ARID2: variants seen among roughly 807,000 people sequenced by gnomAD.
The protein encoded by ARID2 is AT-rich interaction domain 2.
ARID2 carries 32 observed loss-of-function variants against 184.6 expected under a neutral mutation model. That is an observed-to-expected ratio of 0.17 (90% confidence interval 0.13 to 0.23). The LOEUF (loss-of-function observed/expected upper bound fraction) is 0.23, where lower values mean the gene tolerates loss of function less well. ARID2 is among the 10% of genes least tolerant of loss of function. ARID2 has a pLI of 1.00. For synonymous variants in ARID2, 836 were observed against 772.6 expected (o/e 1.08, Z -1.36); for missense variants, 1,696 against 2,197.6 (o/e 0.77, Z 4.56).
At chr12:45,889,348 A>G (rs79144824) in intron 16 of ARID2, among the ~76,000 whole-genome samples, 1 of 152,222 alleles carries the variant, frequency 6.6e-6, no homozygotes, top group African/African-American at 2.4e-5. Context: ...ACTTGGCTAT[A>G]TATCACAGGT....
intron 8 of ARID2, 144 bp from the exon 9 acceptor site, chr12:45,837,177 T>A: frequency 8.9e-7 from 1 of 1,123,910 alleles, no homozygotes; most frequent in Non-Finnish European, 1.2e-6. Flanking sequence ...GAAATGATGC[T>A]TTAAATTCAG....
chr12:45,770,926 A>G (rs1052898825), intron 3 of ARID2, among the ~76,000 whole-genome samples: 1 of 152,040 alleles, frequency 6.6e-6, no homozygotes, highest in Non-Finnish European at 1.5e-5. Flanking sequence ...TTGGCTTGGG[A>G]GTGGGGTTTC....
At chr12:45,813,473 A>AAC (rs1942749542) in intron 4 of ARID2, among the ~76,000 whole-genome samples, 2 of 151,514 alleles carry the variant, frequency 1.3e-5, no homozygotes, top group South Asian at 4.2e-4. Flanking sequence ...AAAAAAAAAA[A>AAC]ACCACCAAAA....
chr12:45,862,936 G>A (rs1943773488), intron 16 of ARID2, among the ~76,000 whole-genome samples: 1 of 151,790 alleles, frequency 6.6e-6, no homozygotes, highest in Admixed American at 6.6e-5. Flanking sequence ...TTGCTAATAA[G>A]TTTAGTTTTA....
Position 45,816,674 on chromosome 12 carries a change from C to T in ARID2, c.419-996C>T, listed in dbSNP as rs370433617. 2.3e-3 allele frequency among the ~76,000 whole-genome samples: 347 copies of T among 152,232 alleles called. 12 individuals carry two copies. The South Asian group carries it at 0.068, about 30-fold the overall frequency. ...CACCAATAATTGGAAACAATCTAAA[C>T]GTCCCTCAACTAGGGAATGGATAAA... On this transcript the variant is annotated intron_variant, in intron 4 of 20. Coordinates refer to ENST00000334344, the MANE Select transcript of ARID2 (RefSeq NM_152641.4).
At chr12:45,898,030 T>C (rs1428177687) in intron 20 of ARID2, among the ~76,000 whole-genome samples, 1 of 151,956 alleles carries the variant, frequency 6.6e-6, no homozygotes, top group African/African-American at 2.4e-5. Flanking sequence ...ACTTCTGGGC[T>C]CAAGCAATCC....
chr12:45,891,440 A>G (rs779361458), intron 16 of ARID2, among the ~76,000 whole-genome samples: 1 of 152,214 alleles, frequency 6.6e-6, no homozygotes, highest in Non-Finnish European at 1.5e-5. Flanking sequence ...ACTAAAACTT[A>G]TAGAATTTGA....
intron 3 of ARID2, among the ~76,000 whole-genome samples, chr12:45,804,015 G>A (rs1399668863): frequency 1.3e-5 from 2 of 152,144 alleles, no homozygotes; most frequent in African/African-American, 4.8e-5. Context: ...TATGAAGAGA[G>A]GGAGAGAGGA....
At position 45,851,748 on chromosome 12, in the gene ARID2, G is replaced by C. The variant is rs1376226783; in HGVS notation, c.3625G>C (p.Gly1209Arg). Residue 1209 changes from glycine (G) to arginine (R), a missense_variant, in exon 15 of 21, where the codon GGA (glycine) becomes CGA (arginine). Gly to Arg is a moderately radical substitution (Grantham distance 125, BLOSUM62 -2). Around this residue, in one of 11 missense-constraint regions of ARID2, gnomAD observed 428 missense variants for 409.1 expected, o/e 1.05. Transcript: ENST00000334344. ...AATTACCATGAGCGGAACGCAGACA[G>C]GAGTTGGACTTCCAGTACAAACGCT... Reference protein sequence around the residue: ...AGITMSGTQTGVGLPVQTLPA... With the variant: ...AGITMSGTQTRVGLPVQTLPA... The C allele has an allele frequency of 6.2e-7, 1 of 1,614,014 alleles. No homozygotes were observed. Among genetic ancestry groups the C allele is most frequent in the Non-Finnish European group, 8.5e-7 (1 of 1,180,020 alleles).
In ARID2 at chr12:45,763,660, TAA is replaced by T. The variant is rs150195437; in HGVS notation, c.284+32349_284+32350del. Reference sequence around the variant, plus strand: ...ACTACAAAAAAAAAAAAATTTTTTTTAAAATTTTTTTGTAGACACAGGGCTTT... The same window carrying T: ...ACTACAAAAAAAAAAAAATTTTTTTTAATTTTTTTGTAGACACAGGGCTTT... On this transcript the variant is annotated intron_variant, in intron 3 of 20. Transcript: ENST00000334344. 1.1e-4 allele frequency among the ~76,000 whole-genome samples: 15 copies of T among 132,634 alleles called. No individual in the cohort carries two copies. The South Asian group carries it at 1.4e-3, about 12-fold the overall frequency. The allele number at this position is 132,634 out of a possible 152,430, so 87.0% of individuals were successfully genotyped here.
At chr12:45,829,898 G>C (rs7973967) in intron 6 of ARID2, among the ~76,000 whole-genome samples, 13,930 of 145,516 alleles carry the variant, frequency 0.096, 2,225 homozygotes, top group African/African-American at 0.33. Flanking sequence ...ATTTTCAGCT[G>C]TGCCTAATAT....
chr12:45,744,005 T>C (rs1941313218), intron 3 of ARID2, among the ~76,000 whole-genome samples: 1 of 152,192 alleles, frequency 6.6e-6, no homozygotes, highest in African/African-American at 2.4e-5. Flanking sequence ...TTGATTTTTT[T>C]TTCTTTTTTT....
chr12:45,827,580 G>A (rs1012445181), intron 6 of ARID2, among the ~76,000 whole-genome samples: 8 of 152,078 alleles, frequency 5.3e-5, no homozygotes, highest in Non-Finnish European at 1.0e-4. Flanking sequence ...GTATTGTGAA[G>A]AAAATAAAGC....
intron 16 of ARID2, among the ~76,000 whole-genome samples, chr12:45,889,167 G>A (rs1944248453): frequency 6.6e-6 from 1 of 152,178 alleles, no homozygotes; most frequent in African/African-American, 2.4e-5. Context: ...GGGCAACAGA[G>A]TGAGACTCTG....
intron 16 of ARID2, among the ~76,000 whole-genome samples, chr12:45,880,703 A>G (rs1458901218): frequency 1.3e-5 from 2 of 152,190 alleles, no homozygotes; most frequent in Non-Finnish European, 2.9e-5. Context: ...CACTTAACAG[A>G]TGTTATTTAT....
At position 45,905,250 on chromosome 12, in the gene ARID2, G is replaced by T; in HGVS notation, c.*172G>T. 28 of 535,222 alleles carry T rather than the reference G, an allele frequency of 5.2e-5. No individual in the cohort carries two copies. The South Asian group carries it at 5.7e-4, about 11-fold the overall frequency. 33.2% of individuals were successfully genotyped at this position (535,222 alleles called of 1,614,324 possible). A position where few individuals can be genotyped will look rare whatever the true frequency, so the allele number is the denominator to read the frequency against. On this transcript the variant is annotated 3_prime_UTR_variant, in exon 21 of 21. Transcript: ENST00000334344. ...TTCTGATCTCTGAGTGAATCCCTTT[G>T]TTCTCTGTTTAAAAAAATCTAAAAA...
At chr12:45,750,724 TATA>T (rs1473383337) in intron 3 of ARID2, among the ~76,000 whole-genome samples, 3 of 152,236 alleles carry the variant, frequency 2.0e-5, no homozygotes, top group Non-Finnish European at 4.4e-5. Flanking sequence ...TGTTTATTAT[TATA>T]ATAGATAACA....
chr12:45,828,777 C>T (rs1943052860), intron 6 of ARID2, among the ~76,000 whole-genome samples: 2 of 151,868 alleles, frequency 1.3e-5, no homozygotes, highest in Non-Finnish European at 2.9e-5. Flanking sequence ...ATATTTTGTC[C>T]ATTTTTAAAT....
chr12:45,840,175 C>T (rs1255372643), intron 11 of ARID2: 2 of 152,092 alleles, frequency 1.3e-5, no homozygotes, highest in African/African-American at 2.4e-5. Context: ...GCTTTCTCTA[C>T]CTTGGTTTAT....
Sources: allele counts gnomAD v4.1 joint callset (sites outside exome capture counted in the v4.1 genomes callset), GRCh38; gene constraint gnomAD v4.1.1; regional missense constraint gnomAD v4.1.1; transcripts MANE v1.5; gene names NCBI Gene and HGNC (gene_info 2026-07-23, HGNC 2026-07-21).